GZMM: variants seen among roughly 807,000 people sequenced by gnomAD.
GZMM encodes the protein granzyme M, also known as HU-Met-1.
GZMM carries 23 observed loss-of-function variants against 19.2 expected under a neutral mutation model. The ratio of observed to expected loss-of-function variants is 1.20; its 90% CI spans 0.86 to 1.69. GZMM has a LOEUF of 1.69. Ranked by LOEUF, GZMM falls within the 40% of genes most tolerant of loss-of-function variation. GZMM has a pLI of 0.00. For synonymous variants in GZMM, 178 were observed against 160.2 expected (o/e 1.11, Z -0.84); for missense variants, 373 against 352.2 (o/e 1.06, Z -0.47).
intron 1 of GZMM, among the ~76,000 whole-genome samples, chr19:545,864 C>T (rs1418227772): frequency 3.4e-5 from 5 of 147,686 alleles, no homozygotes; most frequent in South Asian, 2.2e-4. Flanking sequence ...AGGATGGTCT[C>T]GATCTCCTGA....
chr19:545,894 C>T (rs1003974795), intron 1 of GZMM, among the ~76,000 whole-genome samples: 10 of 151,970 alleles, frequency 6.6e-5, no homozygotes, highest in South Asian at 2.1e-4. Flanking sequence ...CCACCTGCCT[C>T]GGCCTCCCAA....
At chr19:547,074 G>A (rs1220137047) in intron 1 of GZMM, among the ~76,000 whole-genome samples, 2 of 126,660 alleles carry the variant, frequency 1.6e-5, no homozygotes, top group South Asian at 3.1e-4. Context: ...GGCCTGGGGG[G>A]AACATGATGG....
chr19:548,486 T>C, intron 2 of GZMM, 56 bp from the exon 3 acceptor site: 2 of 1,576,322 alleles, frequency 1.3e-6, no homozygotes, highest in African/African-American at 1.3e-5. Context: ...GGACTGCATG[T>C]GGCGGGTCGT....
At position 549,622 on chromosome 19, in the gene GZMM, C is replaced by T. The variant is rs1244020102; in HGVS notation, c.613-8C>T. The stretch of plus-strand genomic sequence containing the variant: ...CAGAGGCTGAGCTGCGGTGTGTCGT[C>T]CCTGCAGGGTGACTCGGGCGGGCCC... On this transcript the variant is annotated splice_region_variant and splice_polypyrimidine_tract_variant and intron_variant, in intron 4 of 4. Coordinates refer to ENST00000264553, the MANE Select transcript of GZMM (RefSeq NM_005317.4). 3.1e-6 allele frequency: 5 copies of T among 1,609,008 alleles called. No individual in the cohort carries two copies. The Admixed American group carries it at 8.3e-5, about 27-fold the overall frequency.
intron 2 of GZMM, among the ~76,000 whole-genome samples, chr19:548,048 A>C (rs1026388417): frequency 5.3e-5 from 8 of 152,130 alleles, no homozygotes; most frequent in Admixed American, 2.0e-4. Context: ...TGCTCACAGG[A>C]GGCGCTGTGG....
At chr19:544,967 C>G (rs978396345) in intron 1 of GZMM, among the ~76,000 whole-genome samples, 3 of 150,866 alleles carry the variant, frequency 2.0e-5, no homozygotes, top group Non-Finnish European at 4.4e-5. Flanking sequence ...TTCAACCTCC[C>G]TCCTTCCCTC....
Position 549,657 on chromosome 19 carries a change from G to C in GZMM, c.640G>C (p.Gly214Arg). ...KGDSGGPLVCGKGRVLARVLS... is the reference protein window; with the variant it reads ...KGDSGGPLVCRKGRVLARVLS... Reference sequence around the variant, plus strand: ...TGACTCGGGCGGGCCCCTGGTGTGTGGCAAAGGCCGGGTGTTGGCCAGAGT... The same window carrying C: ...TGACTCGGGCGGGCCCCTGGTGTGTCGCAAAGGCCGGGTGTTGGCCAGAGT... Residue 214 changes from glycine to arginine, a missense_variant, in exon 5 of 5, where the codon GGC becomes CGC. Transcript: ENST00000264553. 2.5e-6 allele frequency: 4 copies of C among 1,613,406 alleles called. No homozygotes were observed. Among genetic ancestry groups the C allele is most frequent in the Non-Finnish European group, 3.4e-6 (4 of 1,179,888 alleles).
chr19:548,260 G>C, intron 2 of GZMM, among the ~76,000 whole-genome samples: 1 of 152,226 alleles, frequency 6.6e-6, no homozygotes, highest in East Asian at 1.9e-4. Flanking sequence ...CCCAGGGCTG[G>C]TTTTCGTGAA....
At chr19:544,986 A>C (rs376457245) in intron 1 of GZMM, among the ~76,000 whole-genome samples, 9 of 131,380 alleles carry the variant, frequency 6.9e-5, no homozygotes, top group South Asian at 2.5e-4. Context: ...TCCACCCGTC[A>C]TCCTTCCCTC....
At chr19:545,614 T>G (rs1980248355) in intron 1 of GZMM, among the ~76,000 whole-genome samples, 1 of 151,580 alleles carries the variant, frequency 6.6e-6, no homozygotes, top group Non-Finnish European at 1.5e-5. Flanking sequence ...CCCAAAGCGC[T>G]GGGATTACAG....
chr19:547,871 G>A (rs75799132), intron 2 of GZMM, among the ~76,000 whole-genome samples: 9,463 of 152,270 alleles, frequency 0.062, 322 homozygotes, highest in South Asian at 0.093. Flanking sequence ...TGGTTCCCGG[G>A]GATCAGGAAG....
Sources: allele counts gnomAD v4.1 joint callset (sites outside exome capture counted in the v4.1 genomes callset), GRCh38; gene constraint gnomAD v4.1.1; transcripts MANE v1.5; gene names NCBI Gene and HGNC (gene_info 2026-07-23, HGNC 2026-07-21).